Variants in PCDHA1 observed in about 807,000 individuals in gnomAD.
PCDHA1 encodes protocadherin alpha 1.
A neutral mutation model predicts 61.3 loss-of-function variants in PCDHA1; 42 were observed. That is an observed-to-expected ratio of 0.69 (90% confidence interval 0.54 to 0.89). The LOEUF is 0.89. PCDHA1 is among the 40% of genes least tolerant of loss of function. PCDHA1 has a pLI of 0.00. For synonymous variants in PCDHA1, 610 were observed against 553.8 expected, an observed-to-expected ratio of 1.10 and a Z score of -1.43; for missense variants, 1,256 against 1,235.3, an observed-to-expected ratio of 1.02 and a Z score of -0.25.
chr5:140,812,396 G>A (rs1440130851), intron 1 of PCDHA1: 1 of 151,718 alleles, frequency 6.6e-6, no homozygotes, highest in East Asian at 1.9e-4. Flanking sequence ...GTCTAGCTAA[G>A]GGGCTTGTCA....
chr5:140,850,123 C>A (rs2150468826), intron 1 of PCDHA1: 9 of 1,595,920 alleles, frequency 5.6e-6, no homozygotes, highest in African/African-American at 2.7e-5. Context: ...GCGGGCGTGC[C>A]GCCTCTGGGC....
intron 1 of PCDHA1, among the ~76,000 whole-genome samples, chr5:140,953,228 G>A (rs2094861370): frequency 6.6e-6 from 1 of 152,124 alleles, no homozygotes; most frequent in South Asian, 2.1e-4. Flanking sequence ...CTTCTGCTTG[G>A]TAGCAGTTCA....
chr5:140,856,672 G>A (rs1356609367), intron 1 of PCDHA1: 2 of 1,597,818 alleles, frequency 1.3e-6, no homozygotes, highest in East Asian at 4.5e-5. Flanking sequence ...CTCAGCTAAA[G>A]TTGTTGTTGA....
chr5:140,848,614 A>G (rs2150414883), intron 1 of PCDHA1: 3 of 1,593,564 alleles, frequency 1.9e-6, no homozygotes, highest in African/African-American at 1.3e-5. Flanking sequence ...GAGGAAGCCG[A>G]ACACGGCACC....
chr5:140,838,631 G>T (rs1181187323), intron 1 of PCDHA1, among the ~76,000 whole-genome samples: 2 of 151,888 alleles, frequency 1.3e-5, no homozygotes, highest in Non-Finnish European at 2.9e-5. Context: ...CAAATAATTT[G>T]GTTGGTCAAA....
chr5:140,802,503 T>G (rs782816418), intron 1 of PCDHA1: 2 of 1,614,132 alleles, frequency 1.2e-6, no homozygotes. Context: ...GCCTTCACTG[T>G]GGGCCACGGC....
At chr5:140,951,560 C>T (rs2094602519) in intron 1 of PCDHA1, among the ~76,000 whole-genome samples, 1 of 151,998 alleles carries the variant, frequency 6.6e-6, no homozygotes. Flanking sequence ...AAGTGCTACG[C>T]ACTTTTAAAC....
intron 1 of PCDHA1, chr5:140,828,662 C>G: frequency 3.7e-6 from 6 of 1,614,124 alleles, no homozygotes; most frequent in Non-Finnish European, 5.1e-6. Context: ...TGACAATAAA[C>G]AAATTGGGCT....
intron 1 of PCDHA1, chr5:140,877,194 A>G (rs1350324855): frequency 1.2e-6 from 2 of 1,613,646 alleles, no homozygotes; most frequent in Non-Finnish European, 1.7e-6. Context: ...GCAGCGCAGG[A>G]GGCGCAGTTA....
At chr5:140,961,548 T>G (rs2095620507) in intron 1 of PCDHA1, among the ~76,000 whole-genome samples, 2 of 152,230 alleles carry the variant, frequency 1.3e-5, no homozygotes, top group Non-Finnish European at 2.9e-5. Flanking sequence ...CCTGCAGCAT[T>G]TCTTTTTTTA....
At chr5:140,806,920 T>A (rs1204868213) in intron 1 of PCDHA1, 4 of 504,194 alleles carry the variant, frequency 7.9e-6, no homozygotes, top group Admixed American at 3.7e-5. Flanking sequence ...AAATAATAAA[T>A]AAAACCAAGT....
At chr5:140,801,107 G>A (rs1581639652) in intron 1 of PCDHA1, 1 of 1,509,026 alleles carries the variant, frequency 6.6e-7, no homozygotes, top group Non-Finnish European at 8.8e-7. Context: ...ATTTAACACC[G>A]AGGAGTTTAA....
At chr5:140,981,479 C>T (rs1275257398) in intron 2 of PCDHA1, among the ~76,000 whole-genome samples, 20 of 152,148 alleles carry the variant, frequency 1.3e-4, no homozygotes, top group African/African-American at 4.8e-4. Flanking sequence ...GAGGCTGAGG[C>T]AGGAGAATTG....
chr5:140,977,364 A>G (rs967972541), intron 1 of PCDHA1, among the ~76,000 whole-genome samples: 2 of 152,206 alleles, frequency 1.3e-5, no homozygotes, highest in African/African-American at 4.8e-5. Flanking sequence ...GATAAAAAGT[A>G]TTTTAGTCAT....
intron 1 of PCDHA1, among the ~76,000 whole-genome samples, chr5:140,974,396 G>A (rs1413050341): frequency 6.6e-6 from 1 of 152,178 alleles, no homozygotes; most frequent in Non-Finnish European, 1.5e-5. Context: ...CATTAGGTAT[G>A]TTCTAAAGTT....
intron 1 of PCDHA1, among the ~76,000 whole-genome samples, chr5:140,844,849 G>A (rs1554140744): frequency 6.7e-6 from 1 of 148,746 alleles, no homozygotes; most frequent in African/African-American, 2.5e-5. Context: ...TGTGACTGTT[G>A]GACCTGCCTG....
intron 1 of PCDHA1, among the ~76,000 whole-genome samples, chr5:140,880,234 G>T (rs560785672): frequency 1.8e-4 from 28 of 152,250 alleles, no homozygotes; most frequent in Non-Finnish European, 2.8e-4. Context: ...TTAAATTAGT[G>T]TATGTGCGTG....
chr5:140,986,018 C>T (rs943946792), intron 3 of PCDHA1, among the ~76,000 whole-genome samples: 2 of 152,110 alleles, frequency 1.3e-5, no homozygotes, highest in African/African-American at 2.4e-5. Flanking sequence ...GGATTACAGG[C>T]GTGAGCCACT....
chr5:141,006,180 A>C (rs1554260594), intron 3 of PCDHA1, among the ~76,000 whole-genome samples: 5 of 150,546 alleles, frequency 3.3e-5, no homozygotes, highest in Non-Finnish European at 7.4e-5. Context: ...TTTTTAAAAG[A>C]GTTTGCTATA....
Sources: gnomAD v4.1 joint callset for allele counts (sites outside exome capture counted in the v4.1 genomes callset) on GRCh38, gnomAD v4.1.1 for gene constraint, MANE v1.5 for transcripts, NCBI Gene and HGNC (gene_info 2026-07-23, HGNC 2026-07-21) for gene names.